Variants in CNTNAP2 observed in about 807,000 individuals in gnomAD.
CNTNAP2 encodes the protein contactin associated protein 2, also known as contactin-associated protein-like 2.
Under a neutral mutation model 155.2 loss-of-function variants are expected in CNTNAP2, and 98 were observed. That is an observed-to-expected ratio of 0.63 (90% CI 0.54 to 0.75). The LOEUF (loss-of-function observed/expected upper bound fraction) is 0.75, where lower values mean the gene tolerates loss of function less well. CNTNAP2 is among the 30% of genes least tolerant of loss of function. The pLI is 0.00. For missense variants in CNTNAP2, 1,727 were observed against 1,688.1 expected, an observed-to-expected ratio of 1.02 and a Z score of -0.40; for synonymous variants, 651 against 631.2, an observed-to-expected ratio of 1.03 and a Z score of -0.47.
chr7:147,822,051 A>G (rs958112773), intron 13 of CNTNAP2, among the ~76,000 whole-genome samples: 1 of 152,146 alleles, frequency 6.6e-6, no homozygotes, highest in African/African-American at 2.4e-5. Flanking sequence ...AAATGTTCCA[A>G]CTGAGGACAG....
intron 10 of CNTNAP2, among the ~76,000 whole-genome samples, chr7:147,423,332 C>T (rs981522056): frequency 4.6e-5 from 7 of 152,218 alleles, no homozygotes; most frequent in East Asian, 1.9e-4. Flanking sequence ...ATCATGGAAT[C>T]GGCCATGCAG....
intron 8 of CNTNAP2, among the ~76,000 whole-genome samples, chr7:147,210,612 C>T (rs942435849): frequency 2.6e-5 from 4 of 151,632 alleles, no homozygotes; most frequent in African/African-American, 9.7e-5. Flanking sequence ...GATTTTAGTT[C>T]TTTCTTTTCT....
intron 10 of CNTNAP2, among the ~76,000 whole-genome samples, chr7:147,473,811 G>T (rs1447956419): frequency 1.3e-5 from 2 of 152,148 alleles, no homozygotes; most frequent in Non-Finnish European, 2.9e-5. Flanking sequence ...CGGGTGCGGT[G>T]GTTCACACCT....
chr7:147,023,447 CA>C (rs1798849579), intron 3 of CNTNAP2, among the ~76,000 whole-genome samples: 1 of 152,072 alleles, frequency 6.6e-6, no homozygotes, highest in Non-Finnish European at 1.5e-5. Flanking sequence ...CCTTTTTATC[CA>C]GTCTCCTCCA....
At chr7:147,738,505 T>C (rs989763328) in intron 13 of CNTNAP2, among the ~76,000 whole-genome samples, 1 of 152,222 alleles carries the variant, frequency 6.6e-6, no homozygotes, top group Non-Finnish European at 1.5e-5. Context: ...GACCCTTCAC[T>C]AGGAAAATGT....
At chr7:146,971,792 C>G (rs928995003) in intron 3 of CNTNAP2, among the ~76,000 whole-genome samples, 18 of 152,124 alleles carry the variant, frequency 1.2e-4, no homozygotes, top group African/African-American at 3.6e-4. Flanking sequence ...AAGACCCCAC[C>G]TGCTAATACC....
chr7:147,990,555 T>A (rs1801693992), intron 15 of CNTNAP2, among the ~76,000 whole-genome samples: 2 of 151,796 alleles, frequency 1.3e-5, no homozygotes, highest in African/African-American at 4.8e-5. Flanking sequence ...ATCTTGGGGC[T>A]GGCATGTCTC....
At chr7:146,656,525 T>A (rs1799998003) in intron 1 of CNTNAP2, among the ~76,000 whole-genome samples, 1 of 152,170 alleles carries the variant, frequency 6.6e-6, no homozygotes, top group African/African-American at 2.4e-5. Flanking sequence ...CTTGTAAGCA[T>A]ACGGATGAGA....
chr7:147,617,143 CCTT>C (rs1234999243), intron 12 of CNTNAP2, among the ~76,000 whole-genome samples: 16 of 152,260 alleles, frequency 1.1e-4, no homozygotes, highest in Admixed American at 5.2e-4. Flanking sequence ...ATCACCTTCT[CCTT>C]CTTCATGCGA....
intron 15 of CNTNAP2, among the ~76,000 whole-genome samples, chr7:148,062,008 T>TAGA (rs201856851): frequency 0.012 from 909 of 78,408 alleles, 17 homozygotes; most frequent in Non-Finnish European, 0.015. Flanking sequence ...GATAGATAGA[T>TAGA]GATAGAGAGA....
At chr7:148,086,692 G>T (rs886609988) in intron 15 of CNTNAP2, among the ~76,000 whole-genome samples, 1 of 152,040 alleles carries the variant, frequency 6.6e-6, no homozygotes, top group African/African-American at 2.4e-5. Flanking sequence ...GCTTCTTAGG[G>T]TTCAAAAATA....
At chr7:147,745,142 T>C (rs1797017422) in intron 13 of CNTNAP2, among the ~76,000 whole-genome samples, 1 of 152,196 alleles carries the variant, frequency 6.6e-6, no homozygotes, top group Admixed American at 6.5e-5. Context: ...TGCAGTGAAA[T>C]TGCAGTTTAG....
chr7:147,871,461 T>A lies in CNTNAP2; in HGVS notation c.2099-32104T>A, dbSNP rs78203164. Among the ~76,000 whole-genome samples the A allele has an allele frequency of 9.8e-3, 1,492 of 152,282 alleles. 31 individuals are homozygous for A. Among genetic ancestry groups the A allele is most frequent in the African/African-American group, 0.034 (1,409 of 41,560 alleles). ...TAGCTACTATTTTCCAGTCCAGTAT[T>A]ATGGGACTTAAAGACGTCAGTGCCA... On this transcript the variant is annotated intron_variant, in intron 13 of 23. Coordinates refer to ENST00000361727, the MANE Select transcript of CNTNAP2 (RefSeq NM_014141.6).
intron 1 of CNTNAP2, among the ~76,000 whole-genome samples, chr7:146,296,052 G>A (rs1355941741): frequency 3.3e-5 from 5 of 152,030 alleles, no homozygotes; most frequent in Non-Finnish European, 4.4e-5. Context: ...AAGTCACATA[G>A]CACTAGATAC....
At chr7:147,544,570 C>T (rs1410134478) in intron 11 of CNTNAP2, among the ~76,000 whole-genome samples, 1 of 151,898 alleles carries the variant, frequency 6.6e-6, no homozygotes, top group African/African-American at 2.4e-5. Context: ...TTTCCAGGGC[C>T]ACAGCATGAC....
At chr7:148,407,609 C>A (rs1799731616) in intron 22 of CNTNAP2, among the ~76,000 whole-genome samples, 1 of 148,908 alleles carries the variant, frequency 6.7e-6, no homozygotes, top group Non-Finnish European at 1.5e-5. Context: ...GAGTCTGAGG[C>A]AGGAGGAACA....
At chr7:146,136,789 C>T (rs963970091) in intron 1 of CNTNAP2, among the ~76,000 whole-genome samples, 6 of 152,280 alleles carry the variant, frequency 3.9e-5, no homozygotes, top group South Asian at 4.1e-4. Flanking sequence ...CCGGCCCTCT[C>T]ATTCAATATC....
chr7:147,418,765 C>T (rs1295185354), intron 10 of CNTNAP2, among the ~76,000 whole-genome samples: 4 of 152,186 alleles, frequency 2.6e-5, no homozygotes, highest in Admixed American at 2.6e-4. Context: ...ACAAAAGTCA[C>T]TTTCTCTATA....
At chr7:146,189,913 A>G (rs140508166) in intron 1 of CNTNAP2, among the ~76,000 whole-genome samples, 261 of 152,300 alleles carry the variant, frequency 1.7e-3, no homozygotes, top group African/African-American at 6.0e-3. Flanking sequence ...ATACTGTCCA[A>G]TCACTCTGGT....
Sources: allele counts gnomAD v4.1 joint callset (sites outside exome capture counted in the v4.1 genomes callset), GRCh38; gene constraint gnomAD v4.1.1; transcripts MANE v1.5; gene names NCBI Gene and HGNC (gene_info 2026-07-23, HGNC 2026-07-21).